Variants in KHDRBS2 observed in about 807,000 individuals in gnomAD.
The protein encoded by KHDRBS2 is KH domain-containing, RNA-binding, signal transduction-associated protein 2.
In KHDRBS2, 26 loss-of-function variants were observed where a neutral mutation model predicts 44.3. The ratio of observed to expected loss-of-function variants is 0.59; its 90% confidence interval spans 0.43 to 0.81. The LOEUF (loss-of-function observed/expected upper bound fraction) is 0.81, where lower values mean the gene tolerates loss of function less well. Among genes scored for constraint, KHDRBS2 ranks in the 40% least tolerant of loss-of-function variants. The pLI is 0.00. For missense variants in KHDRBS2, 476 were observed against 433.1 expected (o/e 1.10, Z -0.88); for synonymous variants, 194 against 151.1 (o/e 1.28, Z -2.08).
the KHDRBS2 span, among the ~76,000 whole-genome samples, chr6:61,633,335 T>C: frequency 6.6e-6 from 1 of 152,070 alleles, no homozygotes; most frequent in African/African-American, 2.4e-5. Flanking sequence ...TTTGATGAAC[T>C]TATTTTAAAA....
At chr6:61,779,193 T>A (rs1163157170) in intron 6 of KHDRBS2, among the ~76,000 whole-genome samples, 1 of 151,346 alleles carries the variant, frequency 6.6e-6, no homozygotes, top group South Asian at 2.1e-4. Flanking sequence ...AGTATACCAA[T>A]TTTTTTTTAT....
At chr6:61,780,084 T>C (rs541921153) in intron 6 of KHDRBS2, among the ~76,000 whole-genome samples, 1 of 152,354 alleles carries the variant, frequency 6.6e-6, no homozygotes, top group East Asian at 1.9e-4. Flanking sequence ...CTCCATGAAA[T>C]TGAGAATTTC....
At chr6:62,046,428 T>C (rs1485463420) in intron 3 of KHDRBS2, among the ~76,000 whole-genome samples, 2 of 151,950 alleles carry the variant, frequency 1.3e-5, no homozygotes, top group Non-Finnish European at 2.9e-5. Flanking sequence ...ATATGTTAAG[T>C]GATAAAAGAG....
intron 6 of KHDRBS2, among the ~76,000 whole-genome samples, chr6:61,812,177 C>T (rs1373378348): frequency 6.6e-6 from 1 of 151,514 alleles, no homozygotes; most frequent in African/African-American, 2.4e-5. Flanking sequence ...TTACCTTCAC[C>T]ATCCTTCTCT....
chr6:62,095,996 A>G (rs567580915), intron 2 of KHDRBS2, among the ~76,000 whole-genome samples: 2 of 151,990 alleles, frequency 1.3e-5, no homozygotes, highest in African/African-American at 4.8e-5. Context: ...TATGTTCTTC[A>G]TTCTCGTCAT....
At chr6:62,280,889 T>C (rs1490360745) in intron 1 of KHDRBS2, among the ~76,000 whole-genome samples, 1 of 152,166 alleles carries the variant, frequency 6.6e-6, no homozygotes, top group African/African-American at 2.4e-5. Flanking sequence ...AAAAGAAACA[T>C]TTGGTCTTCT....
In KHDRBS2 at chr6:61,956,522, C is replaced by T. The variant is rs74741562; in HGVS notation, c.483+21544G>A. On this transcript the variant is annotated intron_variant, in intron 4 of 8. Coordinates refer to ENST00000281156, the MANE Select transcript of KHDRBS2 (RefSeq NM_152688.4). ...TTCTCCAGGATACTAACCATTACAG[C>T]CACTGTCAGAGCCACAGTGAGCACT... 5.0e-3 allele frequency among the ~76,000 whole-genome samples: 763 copies of T among 152,206 alleles called. 3 individuals are homozygous for T. The highest frequency in any genetic ancestry group is 7.5e-3 in the Admixed American group (115 of 15,266).
At chr6:61,996,275 G>T (rs930576666) in intron 3 of KHDRBS2, among the ~76,000 whole-genome samples, 1 of 152,144 alleles carries the variant, frequency 6.6e-6, no homozygotes, top group African/African-American at 2.4e-5. Context: ...ACATGAAAAT[G>T]AAAATGATGT....
chr6:62,024,208 G>T (rs1293711405), intron 3 of KHDRBS2, among the ~76,000 whole-genome samples: 1 of 151,174 alleles, frequency 6.6e-6, no homozygotes, highest in Non-Finnish European at 1.5e-5. Flanking sequence ...GAATATTACT[G>T]TAATAACTAA....
At chr6:61,824,816 T>G (rs1790580279) in intron 6 of KHDRBS2, among the ~76,000 whole-genome samples, 1 of 152,162 alleles carries the variant, frequency 6.6e-6, no homozygotes, top group Non-Finnish European at 1.5e-5. Flanking sequence ...AAATACCTGC[T>G]TATGCACAAT....
In KHDRBS2 at chr6:62,016,393, C is replaced by T. The variant is rs1428999374; in HGVS notation, c.336+31485G>A. Among the ~76,000 whole-genome samples, 7 of 150,914 alleles carry T rather than the reference C, an allele frequency of 4.6e-5. No homozygotes were observed. In the South Asian group the frequency reaches 1.0e-3, roughly 22 times the overall value. ...ATAAATGACTATACAATAAGTGTTC[C>T]GAAAATACTTGATAACTGTTGACTT... On this transcript the variant is annotated intron_variant, in intron 3 of 8. Coordinates refer to ENST00000281156, the MANE Select transcript of KHDRBS2 (RefSeq NM_152688.4).
At chr6:61,948,654 C>CATT (rs145017316) in intron 4 of KHDRBS2, among the ~76,000 whole-genome samples, 33,313 of 141,364 alleles carry the variant, frequency 0.24, 3,969 homozygotes, top group East Asian at 0.26. Flanking sequence ...TATATTCTCA[C>CATT]ATTATTATTA....
At chr6:61,685,103 G>A (rs963834320) in intron 8 of KHDRBS2, among the ~76,000 whole-genome samples, 24 of 151,730 alleles carry the variant, frequency 1.6e-4, no homozygotes, top group African/African-American at 5.8e-4. Flanking sequence ...GAAAATGCTG[G>A]GGAAAGCACA....
At chr6:62,058,243 T>C (rs1212014515) in intron 2 of KHDRBS2, among the ~76,000 whole-genome samples, 2 of 151,922 alleles carry the variant, frequency 1.3e-5, no homozygotes, top group Non-Finnish European at 2.9e-5. Context: ...GCATCACCTG[T>C]GAAGAATTCC....
chr6:61,618,059 TA>T, the KHDRBS2 span, among the ~76,000 whole-genome samples: 1 of 152,246 alleles, frequency 6.6e-6, no homozygotes, highest in Non-Finnish European at 1.5e-5. Context: ...AATTTGAACC[TA>T]AATAGAAAGT....
chr6:62,177,891 G>T (rs369402401), intron 1 of KHDRBS2, among the ~76,000 whole-genome samples: 1 of 151,136 alleles, frequency 6.6e-6, no homozygotes, highest in Admixed American at 6.6e-5. Context: ...CATTATATAG[G>T]TGTTTAAGAA....
At chr6:62,050,978 T>C (rs1426688280) in intron 2 of KHDRBS2, among the ~76,000 whole-genome samples, 3 of 152,046 alleles carry the variant, frequency 2.0e-5, no homozygotes, top group African/African-American at 7.2e-5. Flanking sequence ...CCTGGATGTA[T>C]CTAACAGACA....
intron 6 of KHDRBS2, among the ~76,000 whole-genome samples, chr6:61,825,906 A>G (rs962219741): frequency 6.6e-6 from 1 of 152,194 alleles, no homozygotes; most frequent in African/African-American, 2.4e-5. Context: ...TTAGAGCAGT[A>G]CCTGCCACAT....
downstream of KHDRBS2, among the ~76,000 whole-genome samples, chr6:61,677,452 G>T (rs985091027): frequency 1.3e-5 from 2 of 151,842 alleles, no homozygotes; most frequent in Admixed American, 6.6e-5. Flanking sequence ...GCAGAGAAAA[G>T]AACTTTAGTT....
Sources: gnomAD v4.1 joint callset for allele counts (sites outside exome capture counted in the v4.1 genomes callset) on GRCh38, gnomAD v4.1.1 for gene constraint, MANE v1.5 for transcripts, NCBI Gene and HGNC (gene_info 2026-07-23, HGNC 2026-07-21) for gene names.